CUBN: variants seen among roughly 807,000 people sequenced by gnomAD.
CUBN encodes the protein 460 kDa receptor.
In CUBN, 282 loss-of-function variants were observed where a neutral mutation model predicts 405.3. The ratio of observed to expected loss-of-function variants is 0.70; its 90% CI spans 0.63 to 0.77. The LOEUF (loss-of-function observed/expected upper bound fraction) is 0.77, where lower values mean the gene tolerates loss of function less well. Among genes scored for constraint, CUBN ranks in the 30% least tolerant of loss-of-function variants. The probability of loss-of-function intolerance (pLI) is 0.00; values close to 1 mark genes in which losing one functional copy is unlikely to be tolerated. For missense variants in CUBN, 4,514 were observed against 4,475.2 expected, an observed-to-expected ratio of 1.01 and a Z score of -0.25; for synonymous variants, 1,684 against 1,617.0, an observed-to-expected ratio of 1.04 and a Z score of -0.99.
intron 59 of CUBN, among the ~76,000 whole-genome samples, chr10:16,865,575 T>G (rs1340259644): frequency 1.3e-5 from 2 of 152,024 alleles, no homozygotes; most frequent in African/African-American, 4.8e-5. Flanking sequence ...ACAAGAGGAT[T>G]GTAAAATGCA....
chr10:17,063,301 A>G (rs1835542074), intron 22 of CUBN, among the ~76,000 whole-genome samples: 2 of 152,196 alleles, frequency 1.3e-5, no homozygotes. Flanking sequence ...GAGTTCATCC[A>G]ACAACAAGCG....
chr10:16,977,583 T>G (rs1833136380), intron 31 of CUBN, among the ~76,000 whole-genome samples: 1 of 152,116 alleles, frequency 6.6e-6, no homozygotes, highest in Non-Finnish European at 1.5e-5. Context: ...ACCCCTGCAT[T>G]CACCATCCTT....
At chr10:17,081,075 C>A (rs1835955558) in intron 17 of CUBN, among the ~76,000 whole-genome samples, 1 of 152,116 alleles carries the variant, frequency 6.6e-6, no homozygotes, top group Non-Finnish European at 1.5e-5. Flanking sequence ...AGATATGCTA[C>A]ACTGGGTCAA....
intron 28 of CUBN, among the ~76,000 whole-genome samples, chr10:17,008,335 C>CGTGTGT (rs10678462): frequency 0.014 from 1,995 of 138,958 alleles, 22 homozygotes; most frequent in African/African-American, 0.034. Flanking sequence ...AGTCCCTCCC[C>CGTGTGT]GTGTGTGTGT....
intron 14 of CUBN, among the ~76,000 whole-genome samples, chr10:17,097,097 A>G (rs1409195707): frequency 1.3e-5 from 2 of 152,128 alleles, no homozygotes; most frequent in African/African-American, 4.8e-5. Context: ...AAAATGATAA[A>G]ACCATGAGGA....
At chr10:16,929,632 C>A (rs1379990844) in intron 40 of CUBN, among the ~76,000 whole-genome samples, 1 of 152,102 alleles carries the variant, frequency 6.6e-6, no homozygotes, top group East Asian at 1.9e-4. Flanking sequence ...AAATGGCATT[C>A]TTTGGAGGGT....
At chr10:16,829,132 T>C in intron 65 of CUBN, 92 bp from the exon 66 acceptor site, 1 of 893,830 alleles carries the variant, frequency 1.1e-6, no homozygotes. Context: ...TTTCTTAAGG[T>C]GCTGAGACTC....
At chr10:17,042,809 T>C (rs951624921) in intron 26 of CUBN, among the ~76,000 whole-genome samples, 2 of 152,178 alleles carry the variant, frequency 1.3e-5, no homozygotes, top group Admixed American at 6.5e-5. Context: ...ATGTTATTAC[T>C]CTTTCAGTTA....
At chr10:17,037,278 G>A (rs78175578) in intron 27 of CUBN, among the ~76,000 whole-genome samples, 2 of 152,298 alleles carry the variant, frequency 1.3e-5, no homozygotes, top group South Asian at 2.1e-4. Flanking sequence ...CAATGAGTCT[G>A]TATGCAAATG....
chr10:16,922,275 T>G (rs1842055220), intron 43 of CUBN, among the ~76,000 whole-genome samples: 1 of 151,998 alleles, frequency 6.6e-6, no homozygotes, highest in African/African-American at 2.4e-5. Context: ...TCCCATCCCT[T>G]CCCTCCTGCC....
intron 15 of CUBN, among the ~76,000 whole-genome samples, chr10:17,087,460 A>AT (rs1564510318): frequency 1.0e-5 from 1 of 99,098 alleles, no homozygotes; most frequent in Non-Finnish European, 2.0e-5. Context: ...AATCACTATT[A>AT]TTTTTCTTTT....
chr10:16,920,170 T>C, intron 43 of CUBN, 33 bp from the exon 44 acceptor site: 4 of 1,609,798 alleles, frequency 2.5e-6, no homozygotes, highest in Non-Finnish European at 2.5e-6. Context: ...CAGTCTATGA[T>C]CTGGTGAAGG....
At chr10:17,113,839 G>T (rs1836822821) in intron 8 of CUBN, among the ~76,000 whole-genome samples, 188 bp downstream of exon 8, 1 of 152,116 alleles carries the variant, frequency 6.6e-6, no homozygotes, top group Non-Finnish European at 1.5e-5. Flanking sequence ...GCACAGTTTT[G>T]GACAAGCCTC....
chr10:16,916,790 GCTTTCTTTTTTTCTTTTCTTTTT>G (rs1841896657), intron 45 of CUBN, among the ~76,000 whole-genome samples: 1 of 150,734 alleles, frequency 6.6e-6, no homozygotes, highest in Non-Finnish European at 1.5e-5. Flanking sequence ...AGGCATATTT[GCTTTCTTTTTTTCTTTTCTTTTT>G]CTTTCTTTTT....
intron 17 of CUBN, among the ~76,000 whole-genome samples, chr10:17,079,135 T>C (rs544288290): frequency 1.2e-3 from 189 of 152,166 alleles, no homozygotes; most frequent in Non-Finnish European, 2.2e-3. Context: ...GTCCAGCAGT[T>C]GTGGAAAAAC....
intron 50 of CUBN, 30 bp downstream of exon 50, chr10:16,906,173 T>C (rs1754415646): frequency 1.4e-6 from 2 of 1,466,938 alleles, no homozygotes; most frequent in East Asian, 4.5e-5. Context: ...TGTAGATAAA[T>C]GGGAAAACGC....
At chr10:17,053,365 A>G (rs1354486607) in intron 22 of CUBN, among the ~76,000 whole-genome samples, 1 of 152,020 alleles carries the variant, frequency 6.6e-6, no homozygotes, top group African/African-American at 2.4e-5. Flanking sequence ...ACTAAGTTGT[A>G]ACTAAAAGAA....
At chr10:16,949,464 T>TG (rs1554798711) in intron 34 of CUBN, among the ~76,000 whole-genome samples, 1,354 of 71,656 alleles carry the variant, frequency 0.019, 16 homozygotes, top group African/African-American at 0.025. Context: ...TGTGTGTGTG[T>TG]AGTGTGTGTG....
intron 27 of CUBN, among the ~76,000 whole-genome samples, chr10:17,027,528 T>G (rs1834699639): frequency 1.3e-5 from 2 of 152,210 alleles, no homozygotes. Flanking sequence ...TTTTTCTACA[T>G]TTTCCCAATT....
Sources: gnomAD v4.1 joint callset for allele counts (sites outside exome capture counted in the v4.1 genomes callset) on GRCh38, gnomAD v4.1.1 for gene constraint, MANE v1.5 for transcripts, NCBI Gene and HGNC (gene_info 2026-07-23, HGNC 2026-07-21) for gene names.